Variants in SDHAF4 observed in about 807,000 individuals in gnomAD.
SDHAF4 encodes the protein succinate dehydrogenase assembly factor 4, mitochondrial.
In SDHAF4, 14 loss-of-function variants were observed where a neutral mutation model predicts 14.3. The observed-to-expected ratio is 0.98, with a 90% CI of 0.65 to 1.53. The LOEUF (loss-of-function observed/expected upper bound fraction) is 1.53, where lower values mean the gene tolerates loss of function less well. Ranked by LOEUF, SDHAF4 falls within the 40% of genes most tolerant of loss-of-function variation. The pLI, the probability that SDHAF4 is intolerant of heterozygous loss-of-function variation, is 0.00. For synonymous variants in SDHAF4, 63 were observed against 47.3 expected, an observed-to-expected ratio of 1.33 and a Z score of -1.36; for missense variants, 141 against 129.3, an observed-to-expected ratio of 1.09 and a Z score of -0.44.
At chr6:70,571,581 G>C (rs2128533690) in intron 1 of SDHAF4, among the ~76,000 whole-genome samples, 1 of 152,220 alleles carries the variant, frequency 6.6e-6, no homozygotes, top group Non-Finnish European at 1.5e-5. Flanking sequence ...CCAAAGTGCT[G>C]GCATTACAGG....
chr6:70,570,229 C>G (rs1562054620), intron 1 of SDHAF4, among the ~76,000 whole-genome samples: 1 of 151,960 alleles, frequency 6.6e-6, no homozygotes, highest in African/African-American at 2.4e-5. Context: ...TCTAAATTAC[C>G]TTATTAATTT....
chr6:70,569,526 G>C (rs2128533350), intron 1 of SDHAF4, among the ~76,000 whole-genome samples: 1 of 152,322 alleles, frequency 6.6e-6, no homozygotes, highest in South Asian at 2.1e-4. Context: ...TTACAGGCGT[G>C]AGCTGCCACG....
At chr6:70,572,440 T>C (rs1802195644) in intron 1 of SDHAF4, among the ~76,000 whole-genome samples, 1 of 152,188 alleles carries the variant, frequency 6.6e-6, no homozygotes. Context: ...AATTTTCTCA[T>C]CACAAATAAT....
At chr6:70,593,869 A>AT, downstream of SDHAF4, among the ~76,000 whole-genome samples, 1 of 151,898 alleles carries the variant, frequency 6.6e-6, no homozygotes, top group South Asian at 2.1e-4. Flanking sequence ...TTTTTTTTGT[A>AT]TTTTTAATAG....
chr6:70,596,683 A>AG, the SDHAF4 span: 1 of 152,180 alleles, frequency 6.6e-6, no homozygotes, highest in Non-Finnish European at 1.5e-5. Context: ...TTGATCTTTT[A>AG]TGTACAAGGC....
At chr6:70,573,460 C>T (rs932434450) in intron 1 of SDHAF4, among the ~76,000 whole-genome samples, 1 of 151,420 alleles carries the variant, frequency 6.6e-6, no homozygotes, top group East Asian at 2.0e-4. Flanking sequence ...GACGCAGTTT[C>T]ACCAGATTGG....
chr6:70,575,470 T>C (rs1802241764), intron 1 of SDHAF4, among the ~76,000 whole-genome samples: 1 of 143,344 alleles, frequency 7.0e-6, no homozygotes, highest in South Asian at 2.1e-4. Context: ...AATTTTTTTT[T>C]GTCTCTGTTC....
intron 2 of SDHAF4, among the ~76,000 whole-genome samples, chr6:70,585,628 AAAG>A (rs1429253368): frequency 5.3e-5 from 8 of 152,216 alleles, no homozygotes; most frequent in African/African-American, 7.2e-5. Flanking sequence ...GATATGTGAG[AAAG>A]AAGAACTTCC....
chr6:70,577,698 C>G (rs577493787), intron 1 of SDHAF4, among the ~76,000 whole-genome samples: 1 of 152,132 alleles, frequency 6.6e-6, no homozygotes, highest in African/African-American at 2.4e-5. Flanking sequence ...GTTTTTCAAC[C>G]CTTGCATCCC....
the SDHAF4 span, among the ~76,000 whole-genome samples, chr6:70,597,466 A>G: frequency 1.3e-5 from 2 of 151,894 alleles, no homozygotes; most frequent in Non-Finnish European, 2.9e-5. Flanking sequence ...GGCTCTTTCT[A>G]TTTGGTGATT....
chr6:70,597,699 T>C, the SDHAF4 span, among the ~76,000 whole-genome samples: 1 of 152,218 alleles, frequency 6.6e-6, no homozygotes, highest in South Asian at 2.1e-4. Context: ...TTTCAGCTTT[T>C]AAAATCTAAA....
chr6:70,573,264 C>CT (rs202098262), intron 1 of SDHAF4, among the ~76,000 whole-genome samples: 3,897 of 110,362 alleles, frequency 0.035, 211 homozygotes, highest in South Asian at 0.055. Flanking sequence ...GCTATTTGGC[C>CT]TTTTTTTTTT....
chr6:70,573,193 G>C (rs1206530985), intron 1 of SDHAF4, among the ~76,000 whole-genome samples: 1 of 145,832 alleles, frequency 6.9e-6, no homozygotes, highest in Non-Finnish European at 1.5e-5. Context: ...GCGTTTTTCT[G>C]TATAATTTCT....
At chr6:70,578,512 C>T (rs2691488) in intron 1 of SDHAF4, among the ~76,000 whole-genome samples, 51,418 of 152,056 alleles carry the variant, frequency 0.34, 14,142 homozygotes, top group African/African-American at 0.76. Context: ...TTTCTCCCAT[C>T]CTGTAGGTTG....
intron 2 of SDHAF4, among the ~76,000 whole-genome samples, chr6:70,584,573 A>T (rs1447556269): frequency 6.6e-6 from 1 of 152,208 alleles, no homozygotes; most frequent in Admixed American, 6.5e-5. Flanking sequence ...CTAAAATGGG[A>T]CACTGAGAGC....
At chr6:70,590,296 G>C (rs1314982747), downstream of SDHAF4, among the ~76,000 whole-genome samples, 1 of 152,022 alleles carries the variant, frequency 6.6e-6, no homozygotes, top group Non-Finnish European at 1.5e-5. Context: ...GGGGAGTGTG[G>C]GCATACTCAA....
In SDHAF4 at chr6:70,588,842, A is replaced by AATAAATATATATATAT; in HGVS notation, c.*121_*122insAATATATATATATATA. 2.9e-6 allele frequency: 1 copy of AATAAATATATATATAT among 339,216 alleles called. No homozygotes were observed. The highest frequency in any genetic ancestry group is 5.5e-6 in the Non-Finnish European group (1 of 181,986). The allele number at this position is 339,216 out of a possible 1,614,324, so 21.0% of individuals were successfully genotyped here. The stretch of plus-strand genomic sequence containing the variant: ...TCGTGTAGTTTGTATAATGTGTTTA[A>AATAAATATATATATAT]ATATATATATATATGATGGCTTTGG... On this transcript the variant is annotated 3_prime_UTR_variant, in exon 3 of 3. Coordinates refer to ENST00000370474, the MANE Select transcript of SDHAF4 (RefSeq NM_145267.3).
At position 70,584,386 on chromosome 6, in the gene SDHAF4, G is replaced by A. The variant is rs186437938; in HGVS notation, c.218-4229G>A. Reference sequence around the variant, plus strand: ...TAAAATAGTTCTGTCCCCTAAAGAGGTACAAGGCAGTTCATCCTCTCCCCA... The same window carrying A: ...TAAAATAGTTCTGTCCCCTAAAGAGATACAAGGCAGTTCATCCTCTCCCCA... On this transcript the variant is annotated intron_variant, in intron 2 of 2. Transcript: ENST00000370474. 6.7e-4 allele frequency among the ~76,000 whole-genome samples: 102 copies of A among 152,232 alleles called. 1 individual carries two copies. Among genetic ancestry groups the A allele is most frequent in the Middle Eastern group, 3.4e-3 (1 of 294 alleles).
chr6:70,591,827 T>C (rs74914045), downstream of SDHAF4, among the ~76,000 whole-genome samples: 1,902 of 152,354 alleles, frequency 0.012, 30 homozygotes, highest in African/African-American at 0.043. Context: ...ATGTTGAAAC[T>C]TAATCCCCAA....
Sources: gnomAD v4.1 joint callset for allele counts (sites outside exome capture counted in the v4.1 genomes callset) on GRCh38, gnomAD v4.1.1 for gene constraint, MANE v1.5 for transcripts, NCBI Gene and HGNC (gene_info 2026-07-23, HGNC 2026-07-21) for gene names.